The following NEK6 variants were observed in gnomAD, a reference collection of about 807,000 sequenced individuals.
The protein encoded by NEK6 is NIMA related kinase 6, also known as serine/threonine-protein kinase Nek6.
Under a neutral mutation model 43.5 loss-of-function variants are expected in NEK6, and 27 were observed. The ratio of observed to expected loss-of-function variants is 0.62; its 90% CI spans 0.46 to 0.86. NEK6 has a LOEUF of 0.86. Among genes scored for constraint, NEK6 ranks in the 40% least tolerant of loss-of-function variants. The probability of loss-of-function intolerance (pLI) is 0.00; values close to 1 mark genes in which losing one functional copy is unlikely to be tolerated. For synonymous variants in NEK6, 167 were observed against 164.1 expected, an observed-to-expected ratio of 1.02 and a Z score of -0.14; for missense variants, 318 against 414.4, an observed-to-expected ratio of 0.77 and a Z score of 2.02.
At chr9:124,260,792 G>A (rs955447794) in intron 1 of NEK6, among the ~76,000 whole-genome samples, 21 of 152,194 alleles carry the variant, frequency 1.4e-4, no homozygotes, top group Non-Finnish European at 2.1e-4. Context: ...AAGCTGTCAC[G>A]ATGCCCATTT....
chr9:124,339,462 A>G (rs1409400897), intron 7 of NEK6, 109 bp from the exon 8 acceptor site: 2 of 766,544 alleles, frequency 2.6e-6, no homozygotes, highest in East Asian at 4.9e-5. Flanking sequence ...TCAGAGACCG[A>G]GGCACAATCT....
intron 4 of NEK6, among the ~76,000 whole-genome samples, chr9:124,320,681 G>T (rs773493300): frequency 6.6e-6 from 1 of 152,238 alleles, no homozygotes; most frequent in African/African-American, 2.4e-5. Flanking sequence ...GCACCGTTCT[G>T]TCCAGCTCCA....
chr9:124,330,218 C>T (rs897899345), intron 7 of NEK6, among the ~76,000 whole-genome samples: 10 of 152,176 alleles, frequency 6.6e-5, no homozygotes, highest in African/African-American at 1.2e-4. Context: ...GTAATTAGAG[C>T]GCGGAACAGA....
intron 8 of NEK6, among the ~76,000 whole-genome samples, chr9:124,345,017 G>A (rs1588549574): frequency 2.0e-5 from 3 of 152,258 alleles, no homozygotes; most frequent in Non-Finnish European, 4.4e-5. Flanking sequence ...GCAGGAGTCA[G>A]ATTCCCCTTG....
Position 124,326,202 on chromosome 9 carries a change from T to TCTCCCCCCCCCC in NEK6, c.406-127_406-126insTCCCCCCCCCCC. ...GCTTATTGTTTGCTCAGTGGCTCAATCCCCCCCCCCCGCCCCTGCCAGGCA... is the reference window on the plus strand; with the variant it reads ...GCTTATTGTTTGCTCAGTGGCTCAATCTCCCCCCCCCCCCCCCCCCCCCGCCCCTGCCAGGCA... On this transcript the variant is annotated intron_variant, in intron 5 of 9. Transcript: ENST00000320246. This position sits in a 1 kb window ranked among gnomAD's most constrained non-coding sequence, Gnocchi z 4.5. 8.1e-6 allele frequency: 1 copy of TCTCCCCCCCCCC among 124,052 alleles called. No individual in the cohort carries two copies. The highest frequency in any genetic ancestry group is 2.0e-5 in the Non-Finnish European group (1 of 50,618). 7.7% of individuals were successfully genotyped at this position (124,052 alleles called of 1,614,324 possible).
At chr9:124,266,722 G>T (rs896092638) in intron 1 of NEK6, among the ~76,000 whole-genome samples, 1 of 152,246 alleles carries the variant, frequency 6.6e-6, no homozygotes, top group Non-Finnish European at 1.5e-5. Flanking sequence ...ATTAATATTT[G>T]TTGAGTGAAT....
chr9:124,330,275 AGG>A (rs1349533123), intron 7 of NEK6, among the ~76,000 whole-genome samples: 6 of 152,276 alleles, frequency 3.9e-5, no homozygotes, highest in African/African-American at 1.4e-4. Context: ...TTTGTCAGGA[AGG>A]ATTGCATACA....
At chr9:124,333,998 C>T (rs539877048) in intron 7 of NEK6, among the ~76,000 whole-genome samples, 6 of 152,118 alleles carry the variant, frequency 3.9e-5, no homozygotes, top group African/African-American at 7.2e-5. Flanking sequence ...AGGATGGTCT[C>T]GATCTCCTGA....
At chr9:124,273,868 C>T (rs1363597088) in intron 1 of NEK6, among the ~76,000 whole-genome samples, 2 of 152,132 alleles carry the variant, frequency 1.3e-5, no homozygotes, top group Admixed American at 6.5e-5. Flanking sequence ...CAGGTTTTAG[C>T]GAGTGCGGCG....
chr9:124,350,664 G>T (rs1224695236), intron 9 of NEK6, among the ~76,000 whole-genome samples, 173 bp from the exon 10 acceptor site: 1 of 152,128 alleles, frequency 6.6e-6, no homozygotes, highest in South Asian at 2.1e-4. Flanking sequence ...GGAGCCATGC[G>T]GCTGCGCACC....
At chr9:124,333,680 G>T (rs1829137939) in intron 7 of NEK6, among the ~76,000 whole-genome samples, 1 of 151,634 alleles carries the variant, frequency 6.6e-6, no homozygotes, top group African/African-American at 2.4e-5. Context: ...CACCCCTGGA[G>T]ATTGTGGCCC....
chr9:124,311,267 C>T (rs575423368), intron 2 of NEK6, among the ~76,000 whole-genome samples: 3 of 152,254 alleles, frequency 2.0e-5, no homozygotes, highest in Non-Finnish European at 2.9e-5. Context: ...CAAAGACCCA[C>T]TTCATGCTAG....
At position 124,343,774 on chromosome 9, in the gene NEK6, G is replaced by A. The variant is rs1169325386; in HGVS notation, c.718-3935G>A. Among the ~76,000 whole-genome samples the A allele has an allele frequency of 6.6e-6, 1 of 152,110 alleles. No homozygotes were observed. The highest frequency in any genetic ancestry group is 1.5e-5 in the Non-Finnish European group (1 of 68,018). On this transcript the variant is annotated intron_variant, in intron 8 of 9. Transcript: ENST00000320246. This position sits in a 1 kb window ranked among gnomAD's most constrained non-coding sequence, Gnocchi z 5.1. The stretch of plus-strand genomic sequence containing the variant: ...GGATCCTGCACAGGGCACATACCCA[G>A]GTCACCTGGGCCCTGGTGACAGACA...
chr9:124,261,924 G>A (rs1352205785), intron 1 of NEK6, among the ~76,000 whole-genome samples: 1 of 151,862 alleles, frequency 6.6e-6, no homozygotes, highest in Non-Finnish European at 1.5e-5. Flanking sequence ...ATTTGGGGAG[G>A]TAAAAATAGT....
chr9:124,351,800 C>T lies in NEK6; in HGVS notation c.*853C>T, dbSNP rs1830286918. ...GGGCAAGTTTCTTAGCCGTTCTGAG[C>T]CTTCATTTCCTCATCTGTACAATGA... On this transcript the variant is annotated 3_prime_UTR_variant, in exon 10 of 10. Coordinates refer to ENST00000320246, the MANE Select transcript of NEK6 (RefSeq NM_014397.6). 6.6e-6 allele frequency: 1 copy of T among 152,204 alleles called. No individual in the cohort carries two copies. The highest frequency in any genetic ancestry group is 2.1e-4 in the South Asian group (1 of 4,822). 9.4% of individuals were successfully genotyped at this position (152,204 alleles called of 1,614,324 possible).
rs1454851630 is a variant in NEK6, at chr9:124,321,570, G to T, written c.405+1G>T. The T allele has an allele frequency of 6.3e-7, 1 of 1,598,378 alleles. No homozygotes were observed. The highest frequency in any genetic ancestry group is 8.6e-7 in the Non-Finnish European group (1 of 1,165,714). On this transcript the variant is annotated splice_donor_variant, in intron 5 of 9. Transcript: ENST00000320246. LOFTEE classifies it high-confidence loss of function. ...AGGGGACCTCTCGCAGATGATCAAGGTGAGCGCCTGGCGGGGTGGGGGTGC... is the reference window on the plus strand; with the variant it reads ...AGGGGACCTCTCGCAGATGATCAAGTTGAGCGCCTGGCGGGGTGGGGGTGC...
At chr9:124,258,168 C>T (rs1409519646) in intron 1 of NEK6, 83 bp downstream of exon 1, 2 of 975,840 alleles carry the variant, frequency 2.0e-6, no homozygotes, top group African/African-American at 1.8e-5. Flanking sequence ...GGCCGTCACC[C>T]CCAGCCGGGC....
Position 124,277,164 on chromosome 9 carries a change from G to A in NEK6, c.-30+19079G>A, listed in dbSNP as rs141148603. The stretch of plus-strand genomic sequence containing the variant: ...CCACCCAAAAAGAGTCCTTGGCTGG[G>A]CCGGGTGTGGTGGCTCACACCTGTA... On this transcript the variant is annotated intron_variant, in intron 1 of 9. Transcript: ENST00000320246. 3.1e-3 allele frequency among the ~76,000 whole-genome samples: 477 copies of A among 152,322 alleles called. 1 individual carries two copies. Among genetic ancestry groups the A allele is most frequent in the African/African-American group, 0.011 (441 of 41,572 alleles).
At chr9:124,346,967 A>AT (rs1829962435) in intron 8 of NEK6, among the ~76,000 whole-genome samples, 1 of 152,200 alleles carries the variant, frequency 6.6e-6, no homozygotes. Context: ...GGGTGGGGAC[A>AT]TTTTACAAAT....
Sources: allele counts gnomAD v4.1 joint callset (sites outside exome capture counted in the v4.1 genomes callset), GRCh38; gene constraint gnomAD v4.1.1; non-coding constraint Gnocchi (gnomAD v3.1); transcripts MANE v1.5; gene names NCBI Gene and HGNC (gene_info 2026-07-23, HGNC 2026-07-21).